Variants in CCDC88C observed in about 807,000 individuals in gnomAD.
CCDC88C encodes protein Daple.
Under a neutral mutation model 198.8 loss-of-function variants are expected in CCDC88C, and 131 were observed. That is an observed-to-expected ratio of 0.66 (90% CI 0.57 to 0.76). The LOEUF (loss-of-function observed/expected upper bound fraction) is 0.76. Ranked by LOEUF, CCDC88C falls within the 30% of genes least tolerant of loss-of-function variation. CCDC88C has a pLI of 0.00. For synonymous variants in CCDC88C, 1,166 were observed against 1,114.7 expected (o/e 1.05, Z -0.92); for missense variants, 2,553 against 2,631.6 (o/e 0.97, Z 0.65).
rs1279962768 is a variant in CCDC88C, at chr14:91,294,243, G to C, written c.4042C>G (p.Gln1348Glu). 1 of 1,614,032 alleles carries C rather than the reference G, an allele frequency of 6.2e-7. No individual in the cohort carries two copies. Among genetic ancestry groups the C allele is most frequent in the East Asian group, 2.2e-5 (1 of 44,886 alleles). The change falls in exon 23 of 30, where the codon CAG becomes GAG. Residue 1348 changes from glutamine to glutamate, a missense_variant. Gln to Glu is a conservative substitution (Grantham distance 29). Transcript: ENST00000389857. ...TTCTGCTCCAGAAGCATCTGGTTCT[G>C]CTGGCTCAACAGCTGGATCTGGCTC... is the stretch of plus-strand genomic sequence containing the variant. Reference protein sequence around the residue: ...LLSQIQLLSQQNQMLLEQNME... With the variant: ...LLSQIQLLSQENQMLLEQNME...
intron 2 of CCDC88C, among the ~76,000 whole-genome samples, chr14:91,414,969 A>G (rs1165652571): frequency 3.9e-5 from 6 of 152,240 alleles, no homozygotes; most frequent in Admixed American, 3.9e-4. Context: ...CTGATTTACA[A>G]GCAAGTGGGA....
chr14:91,321,013 G>A, intron 13 of CCDC88C, 107 bp downstream of exon 13: 1 of 1,056,500 alleles, frequency 9.5e-7, no homozygotes, highest in Non-Finnish European at 1.3e-6. Flanking sequence ...ACACCTGCAT[G>A]CTCTACCTGG....
chr14:91,338,352 C>G lies in CCDC88C; in HGVS notation c.891+137G>C. 2 of 965,338 alleles carry G rather than the reference C, an allele frequency of 2.1e-6. No homozygotes were observed. The highest frequency in any genetic ancestry group is 3.2e-6 in the Non-Finnish European group (2 of 634,068). 59.8% of individuals were successfully genotyped at this position (965,338 alleles called of 1,614,324 possible). ...CTGTCACTAAGAAACAGGGTCATCC[C>G]CATAGCCGTGCTCAGGACAAGTGGC... On this transcript the variant is annotated intron_variant, in intron 9 of 29. Transcript: ENST00000389857. The surrounding 1 kb of genome is among the most constrained non-coding windows in gnomAD (Gnocchi z 4.8).
chr14:91,317,068 C>T (rs544023590), intron 13 of CCDC88C, among the ~76,000 whole-genome samples: 1 of 152,298 alleles, frequency 6.6e-6, no homozygotes, highest in South Asian at 2.1e-4. Flanking sequence ...ATGACAGGCC[C>T]CCAAAGGGCT....
rs1053031781 is a variant in CCDC88C, at chr14:91,338,978, C to T, written c.809+300G>A. On this transcript the variant is annotated intron_variant, in intron 8 of 29. Transcript: ENST00000389857. The surrounding 1 kb of genome is among the most constrained non-coding windows in gnomAD (Gnocchi z 4.8). ...GCCAAGAAAACACATCAGGTGTGGT[C>T]GTCCCGGCCCCAAGCTGGAGCTGAG... 2 of 518,592 alleles carry T rather than the reference C, an allele frequency of 3.9e-6. No individual in the cohort carries two copies. The highest frequency in any genetic ancestry group is 2.0e-5 in the South Asian group (1 of 49,384). 32.1% of individuals were successfully genotyped at this position (518,592 alleles called of 1,614,324 possible).
chr14:91,272,109 G>A lies in CCDC88C; in HGVS notation c.*516C>T, dbSNP rs1889759986. 1 of 153,716 alleles carries A rather than the reference G, an allele frequency of 6.5e-6. No individual in the cohort carries two copies. The highest frequency in any genetic ancestry group is 1.4e-5 in the Non-Finnish European group (1 of 68,982). The allele number at this position is 153,716 out of a possible 1,614,324, so 9.5% of individuals were successfully genotyped here. A position where few individuals can be genotyped will look rare whatever the true frequency, so the allele number is the denominator to read the frequency against. ...CAGCACTCTCACTTTTTAACAGCAG[G>A]CCTGACTCTGGGGTCTGCCAGGCCC... On this transcript the variant is annotated 3_prime_UTR_variant, in exon 30 of 30. Transcript: ENST00000389857.
intron 3 of CCDC88C, 30 bp from the exon 4 acceptor site, chr14:91,359,741 T>C (rs1276391159): frequency 3.2e-6 from 5 of 1,583,802 alleles, no homozygotes; most frequent in Non-Finnish European, 4.3e-6. Flanking sequence ...AAAGATACCA[T>C]TAAGAACCGG....
At chr14:91,380,429 A>G (rs1052513588) in intron 3 of CCDC88C, among the ~76,000 whole-genome samples, 1 of 152,250 alleles carries the variant, frequency 6.6e-6, no homozygotes, top group Non-Finnish European at 1.5e-5. Context: ...AAAAGTTGTC[A>G]TTAGAATTCT....
At chr14:91,348,146 C>T (rs1381800886) in intron 4 of CCDC88C, among the ~76,000 whole-genome samples, 1 of 152,042 alleles carries the variant, frequency 6.6e-6, no homozygotes, top group Admixed American at 6.6e-5. Context: ...GCTGGGATTA[C>T]AGGCGCACAC....
intron 20 of CCDC88C, among the ~76,000 whole-genome samples, chr14:91,301,455 C>T (rs1891279412): frequency 1.3e-5 from 2 of 152,340 alleles, no homozygotes; most frequent in African/African-American, 4.8e-5. Context: ...GTGGCTCACG[C>T]CTATAATCCC....
At chr14:91,295,860 A>G (rs944780131) in intron 22 of CCDC88C, among the ~76,000 whole-genome samples, 1 of 152,218 alleles carries the variant, frequency 6.6e-6, no homozygotes, top group Non-Finnish European at 1.5e-5. Flanking sequence ...TTAAGTTAAA[A>G]TGAGGCTGCC....
chr14:91,330,073 C>T (rs908756405), intron 10 of CCDC88C, among the ~76,000 whole-genome samples: 2 of 152,232 alleles, frequency 1.3e-5, no homozygotes, highest in African/African-American at 4.8e-5. Context: ...TGTGCTGACC[C>T]CTGAGCCACA....
Position 91,408,751 on chromosome 14 carries a change from T to G in CCDC88C, c.178A>C (p.Asn60His), listed in dbSNP as rs1490590714. ...TTGACGTGCTTATTGATGCGTTGATTTGTGGGCCTGGGATCTCTAGGGGAA... is the reference window on the plus strand; with the variant it reads ...TTGACGTGCTTATTGATGCGTTGATGTGTGGGCCTGGGATCTCTAGGGGAA... ...IMLQIDPRPT[N>H]QRINKHVNND... is the part of the protein sequence containing the mutation. Residue 60 changes from asparagine to histidine, a missense_variant, in exon 3 of 30, where the codon AAT becomes CAT. Coordinates refer to ENST00000389857, the MANE Select transcript of CCDC88C (RefSeq NM_001080414.4). 6.2e-7 allele frequency: 1 copy of G among 1,613,310 alleles called. No homozygotes were observed. The highest frequency in any genetic ancestry group is 8.5e-7 in the Non-Finnish European group (1 of 1,179,376).
intron 19 of CCDC88C, 29 bp from the exon 20 acceptor site, chr14:91,304,007 GCAGGCCCCA>G: frequency 6.3e-7 from 1 of 1,587,444 alleles, no homozygotes; most frequent in African/African-American, 1.3e-5. Flanking sequence ...GCGGCGTGGC[GCAGGCCCCA>G]CAGTCAGCGA....
intron 4 of CCDC88C, among the ~76,000 whole-genome samples, chr14:91,357,231 G>A (rs1453676785): frequency 6.6e-6 from 1 of 152,134 alleles, no homozygotes; most frequent in Non-Finnish European, 1.5e-5. Context: ...ACAGAAGCAC[G>A]TTTTCATTCC....
intron 25 of CCDC88C, chr14:91,285,904 CAAT>C: frequency 5.4e-6 from 5 of 918,168 alleles, no homozygotes; most frequent in South Asian, 3.0e-5. Flanking sequence ...ATGAAATGAA[CAAT>C]AATGACAAAT....
intron 12 of CCDC88C, among the ~76,000 whole-genome samples, chr14:91,324,206 T>C (rs1892481987): frequency 6.6e-6 from 1 of 152,102 alleles, no homozygotes; most frequent in South Asian, 2.1e-4. Flanking sequence ...ACACCTCCTC[T>C]CGGGGCGCGG....
chr14:91,350,717 C>A (rs532732970), intron 4 of CCDC88C, among the ~76,000 whole-genome samples: 2 of 151,230 alleles, frequency 1.3e-5, no homozygotes, highest in African/African-American at 4.8e-5. Context: ...CCACAGAGGC[C>A]CAGGACCTGC....
At chr14:91,403,006 C>G (rs1238862094) in intron 3 of CCDC88C, among the ~76,000 whole-genome samples, 1 of 152,104 alleles carries the variant, frequency 6.6e-6, no homozygotes, top group Admixed American at 6.5e-5. Flanking sequence ...ATCGTAAACT[C>G]TAAATCTCCT....
Sources: allele counts gnomAD v4.1 joint callset (sites outside exome capture counted in the v4.1 genomes callset), GRCh38; gene constraint gnomAD v4.1.1; non-coding constraint Gnocchi (gnomAD v3.1); transcripts MANE v1.5; gene names NCBI Gene and HGNC (gene_info 2026-07-23, HGNC 2026-07-21).